The following GPR17 variants were observed in gnomAD, a reference collection of about 807,000 sequenced individuals.
GPR17 encodes the protein G protein-coupled receptor 17.
Under a neutral mutation model 1.5 loss-of-function variants are expected in GPR17, and 4 were observed. The ratio of observed to expected loss-of-function variants is 2.73; its 90% CI spans 1.35 to 6.25. The LOEUF (loss-of-function observed/expected upper bound fraction) is 6.25, where lower values mean the gene tolerates loss of function less well. Ranked by LOEUF, GPR17 falls within the 30% of genes most tolerant of loss-of-function variation. GPR17 has a pLI of 0.00. For missense variants in GPR17, 463 were observed against 462.1 expected (o/e 1.00, Z -0.02); for synonymous variants, 209 against 207.6 (o/e 1.01, Z -0.06).
intron 1 of GPR17, among the ~76,000 whole-genome samples, chr2:127,648,993 GA>G (rs1183473801): frequency 2.2e-4 from 5 of 22,502 alleles, no homozygotes; most frequent in Non-Finnish European, 3.6e-4. Flanking sequence ...GGAGGGGAGG[GA>G]GGGGAGGGGA....
chr2:127,648,705 T>G (rs2105249622), intron 1 of GPR17, among the ~76,000 whole-genome samples: 1 of 151,996 alleles, frequency 6.6e-6, no homozygotes, highest in African/African-American at 2.4e-5. Context: ...GAGGATCACT[T>G]GAGCCCAGGA....
chr2:127,651,754 G>A lies in GPR17; in HGVS notation c.1019G>A (p.Ter340=). Residue 340 remains the stop codon, a stop_retained_variant, in exon 2 of 2, where the codon TGA becomes TAA. Transcript: ENST00000486700. ...TCGCTGAGTGCCAAGTCAGAGCTGT[G>A]AGCGGGGGGCGCCGTCCAGGCCGAG... The part of the protein sequence containing the change: ...ESSLSAKSEL[*] The A allele has an allele frequency of 1.2e-6, 2 of 1,610,612 alleles. No individual in the cohort carries two copies. The highest frequency in any genetic ancestry group is 8.5e-7 in the Non-Finnish European group (1 of 1,178,236).
Position 127,651,246 on chromosome 2 carries a change from C to T in GPR17, c.511C>T (p.Gln171Ter). ...CATGGCCCCGCTGCTGGTGAGCCCACAGACCGTGCAGACCAACCACACGGT... is the reference window on the plus strand; with the variant it reads ...CATGGCCCCGCTGCTGGTGAGCCCATAGACCGTGCAGACCAACCACACGGT... ...VAMAPLLVSP[Q>*]TVQTNHTVVC... Residue 171 changes from glutamine to a stop codon, truncating the protein, a stop_gained, in exon 2 of 2, where the codon CAG (glutamine) becomes TAG (stop). Transcript: ENST00000486700. LOFTEE classifies it low-confidence loss of function (END_TRUNC). 3.7e-6 allele frequency: 6 copies of T among 1,605,706 alleles called. No homozygotes were observed. The highest frequency in any genetic ancestry group is 5.1e-6 in the Non-Finnish European group (6 of 1,178,846).
At chr2:127,648,658 T>C (rs1252248155) in intron 1 of GPR17, among the ~76,000 whole-genome samples, 1 of 151,926 alleles carries the variant, frequency 6.6e-6, no homozygotes, top group Non-Finnish European at 1.5e-5. Context: ...TCCCAGCACT[T>C]TGGGAGGCCA....
chr2:127,646,873 A>C (rs1683046782), intron 1 of GPR17, among the ~76,000 whole-genome samples: 1 of 152,380 alleles, frequency 6.6e-6, no homozygotes, highest in South Asian at 2.1e-4. Flanking sequence ...GGCCCATCTC[A>C]GACCAAACTG....
rs1163037177 is a variant in GPR17, at chr2:127,649,033, AAAAG to A, written c.-20-1673_-20-1670del. Reference sequence around the variant, plus strand: ...AGGGGAGGGAGGGAGGAAAGAAAGAAAAAGAAAGAAAGAGAAAAGAAGAAAGGAA... The same window carrying A: ...AGGGGAGGGAGGGAGGAAAGAAAGAAAAAGAAAGAGAAAAGAAGAAAGGAA... On this transcript the variant is annotated intron_variant, in intron 1 of 1. Transcript: ENST00000486700. 1.3e-4 allele frequency among the ~76,000 whole-genome samples: 14 copies of A among 110,552 alleles called. 1 individual carries two copies. The highest frequency in any genetic ancestry group is 2.3e-4 in the East Asian group (1 of 4,284). The allele number at this position is 110,552 out of a possible 152,430, so 72.5% of individuals were successfully genotyped here. A position where few individuals can be genotyped will look rare whatever the true frequency, so the allele number is the denominator to read the frequency against.
rs935536189 is a variant in GPR17, at chr2:127,647,954, C to A, written c.-21+1710C>A. Reference sequence around the variant, plus strand: ...GCTGTGTTCCTCCCTCCTTTTACCTCTCCTCCACAGCCCCCTTCACAGCCC... The same window carrying A: ...GCTGTGTTCCTCCCTCCTTTTACCTATCCTCCACAGCCCCCTTCACAGCCC... On this transcript the variant is annotated intron_variant, in intron 1 of 1. Coordinates refer to ENST00000486700, the MANE Select transcript of GPR17 (RefSeq NM_001161417.2). This position sits in a 1 kb window ranked among gnomAD's most constrained non-coding sequence, Gnocchi z 4.3. The A allele has an allele frequency of 4.3e-6, 4 of 920,130 alleles. No individual in the cohort carries two copies. Among genetic ancestry groups the A allele is most frequent in the African/African-American group, 3.6e-5 (2 of 56,018 alleles). The allele number at this position is 920,130 out of a possible 1,614,324, so 57.0% of individuals were successfully genotyped here. A position where few individuals can be genotyped will look rare whatever the true frequency, so the allele number is the denominator to read the frequency against.
rs1171707167 is a variant in GPR17, at chr2:127,652,231, C to T, written c.*476C>T. ...TGCAGTGCAAGGTACTCTGAGTCCC[C>T]TCTGTAGTGCCTCTGCCAGACACAC... On this transcript the variant is annotated 3_prime_UTR_variant, in exon 2 of 2. Transcript: ENST00000486700. 4 of 185,356 alleles carry T rather than the reference C, an allele frequency of 2.2e-5. No individual in the cohort carries two copies. The highest frequency in any genetic ancestry group is 5.1e-5 in the Non-Finnish European group (4 of 78,142). 11.5% of individuals were successfully genotyped at this position (185,356 alleles called of 1,614,324 possible). A position where few individuals can be genotyped will look rare whatever the true frequency, so the allele number is the denominator to read the frequency against.
intron 1 of GPR17, among the ~76,000 whole-genome samples, chr2:127,649,039 AAGAAAG>A (rs1225064760): frequency 9.1e-6 from 1 of 109,844 alleles, no homozygotes; most frequent in Non-Finnish European, 2.1e-5. Context: ...AAGAAAAAGA[AAGAAAG>A]AGAAAAGAAG....
Position 127,650,128 on chromosome 2 carries a change from T to C in GPR17, c.-20-588T>C, listed in dbSNP as rs574108799. 5 of 1,499,966 alleles carry C rather than the reference T, an allele frequency of 3.3e-6. No homozygotes were observed. In the South Asian group the frequency reaches 3.5e-5, roughly 11 times the overall value. The allele number at this position is 1,499,966 out of a possible 1,614,324, so 92.9% of individuals were successfully genotyped here. A position where few individuals can be genotyped will look rare whatever the true frequency, so the allele number is the denominator to read the frequency against. ...TCCCAGGGTACAGCCCTTGCTGCCA[T>C]CCTGGGGGCACCCTCCTAAGTGCCA... On this transcript the variant is annotated intron_variant, in intron 1 of 1. Transcript: ENST00000486700.
At position 127,650,741 on chromosome 2, in the gene GPR17, T is replaced by C. The variant is rs1011210138; in HGVS notation, c.6T>C (p.Asn2=). 93 of 1,607,982 alleles carry C rather than the reference T, an allele frequency of 5.8e-5. No individual in the cohort carries two copies. The highest frequency in any genetic ancestry group is 7.5e-5 in the Non-Finnish European group (88 of 1,176,094). The change falls in exon 2 of 2, where the codon AAT becomes AAC. Residue 2 remains asparagine (N), a synonymous_variant. Coordinates refer to ENST00000486700, the MANE Select transcript of GPR17 (RefSeq NM_001161417.2). M[N]GLEVAPPGLI... ...GCTCTGACTCCAGCCAAAGCATGAA[T>C]GGCCTTGAAGTGGCTCCCCCAGGTC... is the stretch of plus-strand genomic sequence containing the variant.
chr2:127,649,164 G>T (rs187051190), intron 1 of GPR17, among the ~76,000 whole-genome samples: 13 of 136,100 alleles, frequency 9.6e-5, no homozygotes, highest in Admixed American at 4.4e-4. Flanking sequence ...AGAGAGGAAG[G>T]TAGGAAGGAA....
chr2:127,646,492 A>C (rs1417146576), intron 1 of GPR17: 1 of 152,300 alleles, frequency 6.6e-6, no homozygotes. Flanking sequence ...CTGCAATGAC[A>C]GCACCGCTGC....
chr2:127,647,917 G>A lies in GPR17; in HGVS notation c.-21+1673G>A, dbSNP rs74864078. The A allele has an allele frequency of 0.01, 6,845 of 656,286 alleles. 43 individuals are homozygous for A. Among genetic ancestry groups the A allele is most frequent in the Middle Eastern group, 0.014 (18 of 1,328 alleles). The allele number at this position is 656,286 out of a possible 1,614,324, so 40.7% of individuals were successfully genotyped here. ...CTCCCTGTTCTCCCCTGCCTCACAG[G>A]CCCTGTCAAGGGCTGTGTTCCTCCC... is the stretch of plus-strand genomic sequence containing the variant. On this transcript the variant is annotated intron_variant, in intron 1 of 1. Transcript: ENST00000486700. This position sits in a 1 kb window ranked among gnomAD's most constrained non-coding sequence, Gnocchi z 4.3.
At position 127,651,675 on chromosome 2, in the gene GPR17, G is replaced by A. The variant is rs956406464; in HGVS notation, c.940G>A (p.Gly314Ser). 3.7e-6 allele frequency: 6 copies of A among 1,613,264 alleles called. No homozygotes were observed. The highest frequency in any genetic ancestry group is 1.3e-5 in the African/African-American group (1 of 74,956). ...FRHALCNLLC[G>S]KRLKGPPPSF... Reference sequence around the variant, plus strand: ...CCACGCCCTGTGCAACTTGCTCTGTGGCAAAAGGCTCAAGGGCCCGCCCCC... The same window carrying A: ...CCACGCCCTGTGCAACTTGCTCTGTAGCAAAAGGCTCAAGGGCCCGCCCCC... Residue 314 changes from glycine to serine, a missense_variant, in exon 2 of 2, where the codon GGC becomes AGC. Gly to Ser is a moderately conservative substitution (Grantham distance 56). Transcript: ENST00000486700.
In GPR17 at chr2:127,651,441, A is replaced by G. The variant is rs781109600; in HGVS notation, c.706A>G (p.Met236Val). Reference protein sequence around the residue: ...EKRLKTKAVRMIAIVLAIFLV... With the variant: ...EKRLKTKAVRVIAIVLAIFLV... ...GCGCCTCAAGACCAAGGCAGTGCGC[A>G]TGATCGCCATAGTGCTGGCCATCTT... The change falls in exon 2 of 2, where the codon ATG (methionine) becomes GTG (valine). Residue 236 changes from methionine to valine, a missense_variant. Physicochemically the swap from Met to Val is conservative, Grantham distance 21 (BLOSUM62 1). Transcript: ENST00000486700. 2.5e-6 allele frequency: 4 copies of G among 1,612,822 alleles called. No homozygotes were observed. The highest frequency in any genetic ancestry group is 2.2e-5 in the South Asian group (2 of 91,088).
At chr2:127,649,989 C>A in intron 1 of GPR17, 1 of 1,597,806 alleles carries the variant, frequency 6.3e-7, no homozygotes, top group Non-Finnish European at 8.6e-7. Context: ...TTCTCCTAAA[C>A]ACAGGTCTCC....
chr2:127,647,333 G>A lies in GPR17; in HGVS notation c.-21+1089G>A, dbSNP rs1303056323. 7.9e-5 allele frequency among the ~76,000 whole-genome samples: 12 copies of A among 152,158 alleles called. No homozygotes were observed. Among genetic ancestry groups the A allele is most frequent in the Admixed American group, 7.8e-4 (12 of 15,288 alleles). On this transcript the variant is annotated intron_variant, in intron 1 of 1. Coordinates refer to ENST00000486700, the MANE Select transcript of GPR17 (RefSeq NM_001161417.2). The surrounding 1 kb of genome is among the most constrained non-coding windows in gnomAD (Gnocchi z 4.3). ...CCACCCTGGCGGTCTTCCAGGGAGT[G>A]AGACCGTTTCCCCGGTCTCACTTCC... is the stretch of plus-strand genomic sequence containing the variant.
At chr2:127,649,874 T>G (rs1415752338) in intron 1 of GPR17, 1 of 709,836 alleles carries the variant, frequency 1.4e-6, no homozygotes, top group East Asian at 2.7e-5. Flanking sequence ...TCTCTGACGC[T>G]GGGTAAAATG....
Sources: gnomAD v4.1 joint callset for allele counts (sites outside exome capture counted in the v4.1 genomes callset) on GRCh38, gnomAD v4.1.1 for gene constraint, Gnocchi (gnomAD v3.1) non-coding constraint, MANE v1.5 for transcripts, NCBI Gene and HGNC (gene_info 2026-07-23, HGNC 2026-07-21) for gene names.